RBPJ: variants seen among roughly 807,000 people sequenced by gnomAD.
RBPJ encodes the protein recombination signal binding protein for immunoglobulin kappa J region.
In RBPJ, 9 loss-of-function variants were observed where a neutral mutation model predicts 67.8. The ratio of observed to expected loss-of-function variants is 0.13; its 90% CI spans 0.08 to 0.23. The LOEUF (loss-of-function observed/expected upper bound fraction) is 0.23. RBPJ is among the 10% of genes least tolerant of loss of function. The probability of loss-of-function intolerance (pLI) is 1.00; values close to 1 mark genes in which losing one functional copy is unlikely to be tolerated. For synonymous variants in RBPJ, 198 were observed against 203.3 expected, an observed-to-expected ratio of 0.97 and a Z score of 0.22; for missense variants, 305 against 595.6, an observed-to-expected ratio of 0.51 and a Z score of 5.08.
the RBPJ span, among the ~76,000 whole-genome samples, chr4:26,146,076 G>A: frequency 1.3e-5 from 2 of 152,114 alleles, no homozygotes; most frequent in African/African-American, 2.4e-5. Flanking sequence ...AACTAGAACT[G>A]TAGGCACATG....
the RBPJ span, among the ~76,000 whole-genome samples, chr4:26,141,187 G>T: frequency 2.6e-5 from 4 of 152,342 alleles, no homozygotes; most frequent in African/African-American, 9.6e-5. Flanking sequence ...GTCCTCAGAG[G>T]GTGTGTCCAG....
chr4:26,348,435 C>T (rs1257399351), intron 1 of RBPJ, among the ~76,000 whole-genome samples: 1 of 152,100 alleles, frequency 6.6e-6, no homozygotes, highest in Non-Finnish European at 1.5e-5. Flanking sequence ...GATCTTTATC[C>T]ATATACTGTA....
chr4:26,236,862 A>G (rs1447753695), intron 1 of RBPJ, among the ~76,000 whole-genome samples: 1 of 152,190 alleles, frequency 6.6e-6, no homozygotes, highest in Admixed American at 6.5e-5. Context: ...TATTATTACA[A>G]TGGCCCTAAA....
chr4:26,165,637 AATTCCC>A (rs1716247415), intron 1 of RBPJ, among the ~76,000 whole-genome samples: 1 of 152,136 alleles, frequency 6.6e-6, no homozygotes, highest in Non-Finnish European at 1.5e-5. Context: ...GCTCACTTTA[AATTCCC>A]ATCATTAATG....
chr4:26,252,063 A>G (rs1055570046), intron 1 of RBPJ, among the ~76,000 whole-genome samples: 5 of 151,016 alleles, frequency 3.3e-5, no homozygotes, highest in South Asian at 2.1e-4. Context: ...TGTAAAAACT[A>G]TAACAAGTTT....
Position 26,399,101 on chromosome 4 carries a change from C to G in RBPJ, c.60-7074C>G, listed in dbSNP as rs73121186. Among the ~76,000 whole-genome samples, 422 of 152,174 alleles carry G rather than the reference C, an allele frequency of 2.8e-3. 1 individual carries two copies. The highest frequency in any genetic ancestry group is 9.8e-3 in the African/African-American group (406 of 41,512). On this transcript the variant is annotated intron_variant, in intron 2 of 10. Transcript: ENST00000355476. ...TCCTGTAAAGAGACAAACTTTTCTG[C>G]CGTAACCTTAGTTATTCCCGCCACC...
At chr4:26,322,282 G>A (rs566585091) in intron 1 of RBPJ, 5 of 152,272 alleles carry the variant, frequency 3.3e-5, no homozygotes, top group African/African-American at 1.2e-4. Context: ...AGCCACAATG[G>A]ATATTCATTT....
the RBPJ span, among the ~76,000 whole-genome samples, chr4:26,151,740 G>A: frequency 6.6e-6 from 1 of 152,224 alleles, no homozygotes; most frequent in Admixed American, 6.5e-5. Context: ...TATCGGTTTA[G>A]GGTATCCTAG....
intron 1 of RBPJ, among the ~76,000 whole-genome samples, chr4:26,218,292 T>G (rs1718784569): frequency 6.6e-6 from 1 of 152,166 alleles, no homozygotes; most frequent in Non-Finnish European, 1.5e-5. Flanking sequence ...TTCTCAGTGA[T>G]GTAACCAAGA....
At chr4:26,333,403 T>C (rs747875039) in intron 1 of RBPJ, among the ~76,000 whole-genome samples, 1 of 152,224 alleles carries the variant, frequency 6.6e-6, no homozygotes, top group Non-Finnish European at 1.5e-5. Context: ...TCTCTATCTA[T>C]TAGATTACTT....
At chr4:26,254,908 G>C (rs1381381125) in intron 1 of RBPJ, among the ~76,000 whole-genome samples, 3 of 117,588 alleles carry the variant, frequency 2.6e-5, no homozygotes, top group East Asian at 2.3e-4. Flanking sequence ...GGCTGGTGTC[G>C]AGACCAAGCT....
chr4:26,337,978 G>GT (rs142693070), intron 1 of RBPJ, among the ~76,000 whole-genome samples: 1,916 of 151,060 alleles, frequency 0.013, 49 homozygotes, highest in African/African-American at 0.044. Flanking sequence ...CAATTCTATG[G>GT]TTTTTTCCCT....
chr4:26,226,160 AAAAG>A (rs1400571932), intron 1 of RBPJ, among the ~76,000 whole-genome samples: 3 of 151,700 alleles, frequency 2.0e-5, no homozygotes, highest in Non-Finnish European at 4.4e-5. Flanking sequence ...AAAAAAAAAA[AAAAG>A]AAAGGAATAA....
At position 26,217,111 on chromosome 4, in the gene RBPJ, G is replaced by T. The variant is rs1718746807; in HGVS notation, c.-167+53497G>T. ...TGGCTGGCAGAGGTAGAGTGGAATG[G>T]GTAGGTCAGAACCACCAAATGTTAC... On this transcript the variant is annotated intron_variant, in intron 1 of 4. Transcript: ENST00000512351. Among the ~76,000 whole-genome samples, 2 of 152,092 alleles carry T rather than the reference G, an allele frequency of 1.3e-5. 1 individual carries two copies. The highest frequency in any genetic ancestry group is 4.1e-4 in the South Asian group (2 of 4,832).
At chr4:26,379,594 A>G (rs149622735) in intron 1 of RBPJ, among the ~76,000 whole-genome samples, 1,859 of 152,180 alleles carry the variant, frequency 0.012, 33 homozygotes, top group African/African-American at 0.043. Flanking sequence ...CCCACTCACT[A>G]TCATGAGAAC....
chr4:26,261,319 T>C (rs1720525553), intron 1 of RBPJ, among the ~76,000 whole-genome samples: 1 of 151,932 alleles, frequency 6.6e-6, no homozygotes, highest in Admixed American at 6.6e-5. Context: ...AATTAATGAA[T>C]GGATTCTTTT....
At chr4:26,400,116 G>A (rs373332390) in intron 2 of RBPJ, among the ~76,000 whole-genome samples, 13 of 152,132 alleles carry the variant, frequency 8.5e-5, no homozygotes, top group African/African-American at 2.9e-4. Flanking sequence ...GGATTCTTCA[G>A]CACCTGTAAT....
intron 1 of RBPJ, among the ~76,000 whole-genome samples, chr4:26,294,992 C>T (rs1264037610): frequency 6.6e-6 from 1 of 152,108 alleles, no homozygotes; most frequent in Non-Finnish European, 1.5e-5. Flanking sequence ...AACCGTGAAC[C>T]CCTGGAGGGT....
chr4:26,203,018 G>GAA (rs1718043897), intron 1 of RBPJ, among the ~76,000 whole-genome samples: 3 of 150,190 alleles, frequency 2.0e-5, no homozygotes, highest in Non-Finnish European at 3.0e-5. Flanking sequence ...AAAAAGAAAA[G>GAA]AAAAGAGAAG....
Sources: gnomAD v4.1 joint callset for allele counts (sites outside exome capture counted in the v4.1 genomes callset) on GRCh38, gnomAD v4.1.1 for gene constraint, MANE v1.5 for transcripts, NCBI Gene and HGNC (gene_info 2026-07-23, HGNC 2026-07-21) for gene names.